Variants in PCDH15 observed in about 807,000 individuals in gnomAD.
PCDH15 encodes the protein protocadherin related 15.
A neutral mutation model predicts 178.5 loss-of-function variants in PCDH15; 129 were observed. The ratio of observed to expected loss-of-function variants is 0.72; its 90% CI spans 0.63 to 0.84. PCDH15 has a LOEUF of 0.84. Ranked by LOEUF, PCDH15 falls within the 40% of genes least tolerant of loss-of-function variation. PCDH15 has a pLI of 0.00. For synonymous variants in PCDH15, 800 were observed against 732.0 expected, an observed-to-expected ratio of 1.09 and a Z score of -1.50; for missense variants, 2,230 against 2,099.9, an observed-to-expected ratio of 1.06 and a Z score of -1.21.
In PCDH15 at chr10:53,808,839, TTCC is replaced by T. The variant is rs2132368553; in HGVS notation, c.4672-1712_4672-1710del. 1.9e-6 allele frequency: 3 copies of T among 1,610,424 alleles called. No homozygotes were observed. Among genetic ancestry groups the T allele is most frequent in the Middle Eastern group, 1.6e-4 (1 of 6,062 alleles). ...TACTGCTACTACTACCTGATTCTGA[TTCC>T]TCCTCACTTTCCACACCTCCTTCCA... On this transcript the variant is annotated intron_variant, in intron 37 of 37. Coordinates refer to ENST00000644397, the MANE Select transcript of PCDH15 (RefSeq NM_001384140.1).
At chr10:55,406,591 T>C (rs1004474379) in intron 2 of PCDH15, among the ~76,000 whole-genome samples, 10 of 152,160 alleles carry the variant, frequency 6.6e-5, no homozygotes, top group African/African-American at 2.4e-4. Flanking sequence ...CCAGCTTTGT[T>C]GGTATCACTG....
At chr10:53,965,515 C>T (rs1026706923) in intron 21 of PCDH15, among the ~76,000 whole-genome samples, 1 of 152,168 alleles carries the variant, frequency 6.6e-6, no homozygotes, top group East Asian at 1.9e-4. Flanking sequence ...TTTTTCAGTA[C>T]TATCTTAAAG....
At chr10:54,280,514 G>T (rs1208361633) in intron 8 of PCDH15, among the ~76,000 whole-genome samples, 1 of 151,612 alleles carries the variant, frequency 6.6e-6, no homozygotes, top group East Asian at 1.9e-4. Flanking sequence ...TAGAATAAAT[G>T]GTGTAAGAGA....
intron 1 of PCDH15, among the ~76,000 whole-genome samples, chr10:54,718,074 A>C (rs2095502554): frequency 6.7e-6 from 1 of 149,912 alleles, no homozygotes; most frequent in Non-Finnish European, 1.5e-5. Context: ...GAACACGTGG[A>C]CACAGGAGGG....
At chr10:55,328,359 G>C (rs184499260) in intron 2 of PCDH15, among the ~76,000 whole-genome samples, 201 of 151,884 alleles carry the variant, frequency 1.3e-3, no homozygotes, top group Non-Finnish European at 2.3e-3. Flanking sequence ...ATGTGGTGCA[G>C]CCTACTACAC....
intron 3 of PCDH15, among the ~76,000 whole-genome samples, chr10:54,508,800 T>C (rs2137671367): frequency 6.6e-6 from 1 of 152,202 alleles, no homozygotes; most frequent in African/African-American, 2.4e-5. Context: ...AAATAGCTGG[T>C]ACAGGTTGAG....
At chr10:54,086,139 A>G (rs1226486849) in intron 16 of PCDH15, among the ~76,000 whole-genome samples, 1 of 152,146 alleles carries the variant, frequency 6.6e-6, no homozygotes, top group Non-Finnish European at 1.5e-5. Context: ...TACAGGCTGT[A>G]TAAGAAGCAT....
Position 53,822,216 on chromosome 10 carries a change from G to A in PCDH15, c.4368-1986C>T, listed in dbSNP as rs140047846. On this transcript the variant is annotated intron_variant, in intron 32 of 37. Transcript: ENST00000644397. ...ACCTGTTATACAGACACACTCTGTG[G>A]ACAGAAATGAAGCTGAAGGAGGTGG... The A allele has an allele frequency of 1.0e-4, 164 of 1,613,896 alleles. No individual in the cohort carries two copies. The highest frequency in any genetic ancestry group is 9.4e-5 in the Non-Finnish European group (111 of 1,179,986).
At chr10:55,410,450 A>G (rs1201174379) in intron 2 of PCDH15, among the ~76,000 whole-genome samples, 8 of 152,154 alleles carry the variant, frequency 5.3e-5, no homozygotes, top group Non-Finnish European at 4.4e-5. Context: ...AGACTGGGGA[A>G]TGAGACGAAG....
At chr10:54,348,317 G>C (rs1943639931) in intron 5 of PCDH15, among the ~76,000 whole-genome samples, 1 of 152,150 alleles carries the variant, frequency 6.6e-6, no homozygotes, top group African/African-American at 2.4e-5. Context: ...CAGTTTCCTA[G>C]CAGGCAGCAT....
chr10:55,465,824 A>T (rs1482752713), intron 2 of PCDH15, among the ~76,000 whole-genome samples: 1 of 152,196 alleles, frequency 6.6e-6, no homozygotes, highest in African/African-American at 2.4e-5. Context: ...TTTAAGTGAA[A>T]GTAAAATTAA....
chr10:54,956,520 A>G (rs1838491895), intron 2 of PCDH15, among the ~76,000 whole-genome samples: 3 of 151,692 alleles, frequency 2.0e-5, no homozygotes, highest in South Asian at 4.1e-4. Context: ...TTTTCCTTCT[A>G]AAGATTAAAA....
At chr10:54,465,450 T>C (rs2077453407) in intron 3 of PCDH15, among the ~76,000 whole-genome samples, 2 of 152,028 alleles carry the variant, frequency 1.3e-5, no homozygotes, top group Admixed American at 1.3e-4. Flanking sequence ...TATACCTTCA[T>C]GATATTACCT....
At chr10:54,454,797 A>C (rs1285140873) in intron 3 of PCDH15, among the ~76,000 whole-genome samples, 1 of 152,328 alleles carries the variant, frequency 6.6e-6, no homozygotes, top group Non-Finnish European at 1.5e-5. Context: ...TCGTGCAAGT[A>C]TATCTAGGTT....
At chr10:54,460,529 C>A (rs1475715381) in intron 3 of PCDH15, among the ~76,000 whole-genome samples, 1 of 151,880 alleles carries the variant, frequency 6.6e-6, no homozygotes, top group East Asian at 1.9e-4. Flanking sequence ...AACAGGGCAC[C>A]AAACACCAAG....
intron 2 of PCDH15, among the ~76,000 whole-genome samples, chr10:55,339,785 A>G (rs1013367537): frequency 6.6e-6 from 1 of 152,132 alleles, no homozygotes; most frequent in Non-Finnish European, 1.5e-5. Flanking sequence ...ATAAAAATTT[A>G]TGAAAAACAC....
intron 2 of PCDH15, among the ~76,000 whole-genome samples, chr10:55,412,347 C>T (rs1048475467): frequency 6.6e-6 from 1 of 151,982 alleles, no homozygotes; most frequent in African/African-American, 2.4e-5. Flanking sequence ...ATTCTCTTGA[C>T]ATCTCCCATG....
chr10:54,843,934 C>T (rs1446966858), intron 3 of PCDH15, among the ~76,000 whole-genome samples: 1 of 152,014 alleles, frequency 6.6e-6, no homozygotes, highest in Non-Finnish European at 1.5e-5. Context: ...TACGATTTAA[C>T]ATGTCTTGTG....
At chr10:55,094,729 A>G (rs1007423104) in intron 2 of PCDH15, among the ~76,000 whole-genome samples, 1 of 151,914 alleles carries the variant, frequency 6.6e-6, no homozygotes, top group Non-Finnish European at 1.5e-5. Context: ...ATAGAGATTA[A>G]TTTTCCCTTC....
Sources: gnomAD v4.1 joint callset for allele counts (sites outside exome capture counted in the v4.1 genomes callset) on GRCh38, gnomAD v4.1.1 for gene constraint, MANE v1.5 for transcripts, NCBI Gene and HGNC (gene_info 2026-07-23, HGNC 2026-07-21) for gene names.